TRMT11: variants seen among roughly 807,000 people sequenced by gnomAD.
TRMT11 encodes tRNA (guanine(10)-N(2))-methyltransferase TRMT11.
A neutral mutation model predicts 62.8 loss-of-function variants in TRMT11; 53 were observed. That is an observed-to-expected ratio of 0.84 (90% CI 0.68 to 1.06). The LOEUF is 1.06. TRMT11 is among the 50% of genes least tolerant of loss of function. The probability of loss-of-function intolerance (pLI) is 0.00; values close to 1 mark genes in which losing one functional copy is unlikely to be tolerated. For missense variants in TRMT11, 556 were observed against 553.4 expected (o/e 1.00, Z -0.05); for synonymous variants, 188 against 190.3 (o/e 0.99, Z 0.10).
chr6:126,170,533 G>A (rs1469896539), intron 21 of TRMT11, among the ~76,000 whole-genome samples: 1 of 152,052 alleles, frequency 6.6e-6, no homozygotes. Context: ...CCTGAAGGAA[G>A]CCACAGTCTC....
chr6:126,123,428 C>G (rs996823768), intron 21 of TRMT11, among the ~76,000 whole-genome samples: 2 of 152,048 alleles, frequency 1.3e-5, no homozygotes, highest in African/African-American at 4.8e-5. Flanking sequence ...AAGGAGCGTC[C>G]TGTGAGTAAG....
intron 17 of TRMT11, among the ~76,000 whole-genome samples, chr6:126,070,088 T>A (rs1776809352): frequency 6.6e-6 from 1 of 152,208 alleles, no homozygotes; most frequent in Non-Finnish European, 1.5e-5. Flanking sequence ...AGCCATGGGC[T>A]ACCTTTCCTT....
At chr6:126,148,599 TC>T (rs1778001766) in intron 21 of TRMT11, among the ~76,000 whole-genome samples, 1 of 152,088 alleles carries the variant, frequency 6.6e-6, no homozygotes. Context: ...AAGCTTATTT[TC>T]CCCCCTTTAA....
In TRMT11 at chr6:126,191,466, T is replaced by TG. The variant is rs200506632; in HGVS notation, n.144-7333_144-7332insG. On this transcript the variant is annotated intron_variant and non_coding_transcript_variant, in intron 1 of 3. Transcript: ENST00000444229. ...TAGCTTGATGTAATCCTACTTGTCT[T>TG]TTTTTTTTTTTTTTTTTGCTTTTGT... Among the ~76,000 whole-genome samples the TG allele has an allele frequency of 1.9e-3, 233 of 124,048 alleles. 2 individuals are homozygous for TG. Among genetic ancestry groups the TG allele is most frequent in the African/African-American group, 0.01 (208 of 19,896 alleles). 81.4% of individuals were successfully genotyped at this position (124,048 alleles called of 152,430 possible).
intron 2 of TRMT11, among the ~76,000 whole-genome samples, chr6:125,995,755 T>G (rs974413695): frequency 6.6e-6 from 1 of 152,208 alleles, no homozygotes; most frequent in Non-Finnish European, 1.5e-5. Flanking sequence ...TGAGGATATA[T>G]TCGTTTATAG....
At chr6:126,143,905 A>C (rs2128217054) in intron 21 of TRMT11, among the ~76,000 whole-genome samples, 1 of 152,240 alleles carries the variant, frequency 6.6e-6, no homozygotes, top group East Asian at 1.9e-4. Context: ...TCTGAATTGG[A>C]ACACACTGCT....
intron 17 of TRMT11, among the ~76,000 whole-genome samples, chr6:126,074,135 A>C (rs142080984): frequency 5.9e-5 from 9 of 152,236 alleles, no homozygotes; most frequent in Non-Finnish European, 1.3e-4. Flanking sequence ...ACTCCAGGAG[A>C]TTCTTTTGGA....
At chr6:126,199,615 T>C (rs1392893477) in intron 2 of TRMT11, 1 of 152,202 alleles carries the variant, frequency 6.6e-6, no homozygotes, top group Non-Finnish European at 1.5e-5. Flanking sequence ...ACAGTGACTG[T>C]CACTTGTATA....
chr6:125,993,905 A>T, intron 2 of TRMT11, 83 bp downstream of exon 2: 1 of 770,038 alleles, frequency 1.3e-6, no homozygotes, highest in East Asian at 2.7e-5. Context: ...CATATCTTAA[A>T]TTTATATTTG....
intron 17 of TRMT11, among the ~76,000 whole-genome samples, chr6:126,099,954 G>A (rs1042740576): frequency 6.6e-6 from 1 of 152,072 alleles, no homozygotes; most frequent in Non-Finnish European, 1.5e-5. Context: ...GGACTTCAGA[G>A]GGGCCTGGCT....
At chr6:126,143,298 GAAGCCATATA>G (rs1446047489) in intron 21 of TRMT11, among the ~76,000 whole-genome samples, 1 of 152,048 alleles carries the variant, frequency 6.6e-6, no homozygotes, top group Non-Finnish European at 1.5e-5. Flanking sequence ...TCTTCTCCTA[GAAGCCATATA>G]TACATAAGGG....
At chr6:126,189,643 T>C (rs537219802) in intron 1 of TRMT11, among the ~76,000 whole-genome samples, 2 of 152,278 alleles carry the variant, frequency 1.3e-5, no homozygotes, top group African/African-American at 4.8e-5. Context: ...TAGGTTTCAC[T>C]TTGCCTATAG....
At chr6:126,231,603 C>A in the TRMT11 span, among the ~76,000 whole-genome samples, 3 of 152,120 alleles carry the variant, frequency 2.0e-5, no homozygotes, top group South Asian at 6.2e-4. Flanking sequence ...ACCTTACATC[C>A]TTCAAGAGTC....
chr6:126,167,135 G>A (rs774519352), intron 21 of TRMT11, among the ~76,000 whole-genome samples: 4 of 152,046 alleles, frequency 2.6e-5, no homozygotes, highest in East Asian at 1.9e-4. Context: ...GTTCTGTCTC[G>A]CTGGCATTCC....
At chr6:126,267,193 T>C in the TRMT11 span, among the ~76,000 whole-genome samples, 1 of 152,194 alleles carries the variant, frequency 6.6e-6, no homozygotes, top group Admixed American at 6.5e-5. Flanking sequence ...GGTCACAGTT[T>C]CTTAATTTAT....
At chr6:126,168,200 G>A (rs1778290033) in intron 21 of TRMT11, among the ~76,000 whole-genome samples, 1 of 152,154 alleles carries the variant, frequency 6.6e-6, no homozygotes, top group Admixed American at 6.5e-5. Flanking sequence ...TCTTACACCG[G>A]CAACCTCAGC....
chr6:126,059,026 CT>C (rs1776450467), intron 17 of TRMT11, among the ~76,000 whole-genome samples: 1 of 150,204 alleles, frequency 6.7e-6, no homozygotes, highest in Non-Finnish European at 1.5e-5. Flanking sequence ...CCTTGCACCT[CT>C]TCTCTCTCTC....
chr6:126,269,602 CA>C, the TRMT11 span, among the ~76,000 whole-genome samples: 1 of 152,126 alleles, frequency 6.6e-6, no homozygotes, highest in African/African-American at 2.4e-5. Context: ...ATTACATATG[CA>C]CAAGATTATT....
intron 1 of TRMT11, among the ~76,000 whole-genome samples, chr6:126,191,058 C>T (rs1273699879): frequency 6.6e-6 from 1 of 152,162 alleles, no homozygotes; most frequent in Non-Finnish European, 1.5e-5. Flanking sequence ...ACACCATCCA[C>T]TGTATGACCA....
Sources: gnomAD v4.1 joint callset for allele counts (sites outside exome capture counted in the v4.1 genomes callset) on GRCh38, gnomAD v4.1.1 for gene constraint, MANE v1.5 for transcripts, NCBI Gene and HGNC (gene_info 2026-07-23, HGNC 2026-07-21) for gene names.